Variants in SLC14A2 observed in about 807,000 individuals in gnomAD.
SLC14A2 encodes solute carrier family 14 member 2.
A neutral mutation model predicts 104.6 loss-of-function variants in SLC14A2; 91 were observed. That is an observed-to-expected ratio of 0.87 (90% CI 0.73 to 1.04). SLC14A2 has a LOEUF of 1.04. Among genes scored for constraint, SLC14A2 ranks in the 50% least tolerant of loss-of-function variants. The pLI is 0.00. For synonymous variants in SLC14A2, 476 were observed against 466.4 expected (o/e 1.02, Z -0.27); for missense variants, 1,189 against 1,156.0 (o/e 1.03, Z -0.41).
At chr18:45,518,194 T>G (rs549129449) in intron 2 of SLC14A2, among the ~76,000 whole-genome samples, 103 of 152,212 alleles carry the variant, frequency 6.8e-4, no homozygotes, top group Non-Finnish European at 1.4e-3. Flanking sequence ...CCAAGGCCTC[T>G]GAAACATCTT....
intron 1 of SLC14A2, among the ~76,000 whole-genome samples, chr18:45,390,224 G>A (rs1052326996): frequency 6.6e-5 from 10 of 152,142 alleles, no homozygotes; most frequent in Admixed American, 5.9e-4. Context: ...TGTCCAGGTG[G>A]TACCAACAGG....
chr18:45,571,065 C>T (rs943944112), intron 2 of SLC14A2, among the ~76,000 whole-genome samples: 2 of 152,196 alleles, frequency 1.3e-5, no homozygotes, highest in Non-Finnish European at 2.9e-5. Flanking sequence ...GGCTCTAACT[C>T]TAGACTCCTC....
At chr18:45,211,834 C>T (rs1203791887), upstream of SLC14A2, among the ~76,000 whole-genome samples, 1 of 152,106 alleles carries the variant, frequency 6.6e-6, no homozygotes, top group African/African-American at 2.4e-5. Context: ...TGACAAAAAC[C>T]ATACCTGAGT....
intron 2 of SLC14A2, among the ~76,000 whole-genome samples, chr18:45,588,023 A>T (rs16978419): frequency 0.017 from 2,605 of 152,240 alleles, 72 homozygotes; most frequent in African/African-American, 0.058. Flanking sequence ...GAGATGATTG[A>T]AAATGCCGGA....
At chr18:45,202,323 T>G in the SLC14A2 span, among the ~76,000 whole-genome samples, 1 of 152,024 alleles carries the variant, frequency 6.6e-6, no homozygotes, top group Non-Finnish European at 1.5e-5. Context: ...TTAAAGGGAG[T>G]TGATCCTTAG....
chr18:45,376,037 G>A (rs1195236022), intron 1 of SLC14A2, among the ~76,000 whole-genome samples: 1 of 105,216 alleles, frequency 9.5e-6, no homozygotes, highest in African/African-American at 3.8e-5. Flanking sequence ...GAGTAGCCAT[G>A]TGGATCTGGG....
intron 1 of SLC14A2, among the ~76,000 whole-genome samples, chr18:45,279,541 G>A (rs1015529610): frequency 6.6e-6 from 1 of 152,180 alleles, no homozygotes; most frequent in Middle Eastern, 3.4e-3. Flanking sequence ...GGTTTTGTTG[G>A]GGGGTGGGGA....
Position 45,304,414 on chromosome 18 carries a change from GTTTTGT to G in SLC14A2, c.-125+91230_-125+91235del, listed in dbSNP as rs946673157. On this transcript the variant is annotated intron_variant, in intron 1 of 20. Coordinates refer to the SLC14A2 transcript ENST00000586448. ...GCTTTGTGCTGTGGCCAGCAATGCGGTTTTGTTTTTGTCTCTGTTTCTAAGCTGTTT... is the reference window on the plus strand; with the variant it reads ...GCTTTGTGCTGTGGCCAGCAATGCGGTTTTGTCTCTGTTTCTAAGCTGTTT... Among the ~76,000 whole-genome samples the G allele has an allele frequency of 1.8e-4, 27 of 152,292 alleles. 1 individual carries two copies. The highest frequency in any genetic ancestry group is 9.8e-4 in the Admixed American group (15 of 15,296).
intron 1 of SLC14A2, among the ~76,000 whole-genome samples, chr18:45,216,800 G>C (rs2084015252): frequency 6.6e-6 from 1 of 152,062 alleles, no homozygotes; most frequent in African/African-American, 2.4e-5. Context: ...CCCACCTTTG[G>C]CCAAGGCCCA....
chr18:45,434,813 A>G (rs907843850), intron 1 of SLC14A2, among the ~76,000 whole-genome samples: 2 of 152,246 alleles, frequency 1.3e-5, no homozygotes, highest in Non-Finnish European at 2.9e-5. Flanking sequence ...GGGTGAAAAA[A>G]TGAAGCAAAT....
chr18:45,648,162 T>G (rs1310237818), intron 10 of SLC14A2, among the ~76,000 whole-genome samples: 1 of 151,422 alleles, frequency 6.6e-6, no homozygotes, highest in Middle Eastern at 3.2e-3. Flanking sequence ...TTTTGCCTAT[T>G]ATTATAAGTT....
At chr18:45,238,123 G>A (rs1376301765) in intron 1 of SLC14A2, among the ~76,000 whole-genome samples, 1 of 152,182 alleles carries the variant, frequency 6.6e-6, no homozygotes, top group Non-Finnish European at 1.5e-5. Flanking sequence ...CTTCCTAAAA[G>A]CAACACAGAA....
chr18:45,501,494 G>A (rs1471109381), intron 2 of SLC14A2, among the ~76,000 whole-genome samples: 1 of 152,186 alleles, frequency 6.6e-6, no homozygotes, highest in Non-Finnish European at 1.5e-5. Context: ...TTGTATAAAT[G>A]CTTCGTCTCC....
rs945409418 is a variant in SLC14A2 at position 45,641,459 on chromosome 18, A to G, written c.1126+116A>G. 26 of 1,202,428 alleles carry G rather than the reference A, an allele frequency of 2.2e-5. No individual in the cohort carries two copies. The African/African-American group carries it at 2.7e-4, about 12-fold the overall frequency. The allele number at this position is 1,202,428 out of a possible 1,614,324, so 74.5% of individuals were successfully genotyped here. A position where few individuals can be genotyped will look rare whatever the true frequency, so the allele number is the denominator to read the frequency against. On this transcript the variant is annotated intron_variant, in intron 8 of 19. Coordinates refer to ENST00000255226, the MANE Select transcript of SLC14A2 (RefSeq NM_007163.4). ...CTGTTCAGCAGTGACAGAAAGGCCA[A>G]TGGCTTGCGTCCTAATGCCAGTGCT...
intron 10 of SLC14A2, among the ~76,000 whole-genome samples, chr18:45,658,319 G>C (rs544785651): frequency 6.6e-6 from 1 of 152,118 alleles, no homozygotes; most frequent in South Asian, 2.1e-4. Context: ...GGTAGCTCAC[G>C]CCTGTAATCC....
the SLC14A2 span, among the ~76,000 whole-genome samples, chr18:45,191,791 G>T: frequency 6.6e-6 from 1 of 152,120 alleles, no homozygotes. Context: ...GGTAATTTAT[G>T]TAGTAATTGG....
intron 1 of SLC14A2, among the ~76,000 whole-genome samples, chr18:45,374,162 G>A (rs758609104): frequency 3.9e-5 from 6 of 152,124 alleles, no homozygotes; most frequent in Non-Finnish European, 7.4e-5. Context: ...ACCTGTCAAA[G>A]TACAGGTTAT....
the SLC14A2 span, among the ~76,000 whole-genome samples, chr18:45,198,334 C>T: frequency 6.6e-6 from 1 of 152,020 alleles, no homozygotes; most frequent in Non-Finnish European, 1.5e-5. Context: ...TACCTGGACC[C>T]CTCACCCAAT....
At chr18:45,588,272 G>A (rs1049955861) in intron 2 of SLC14A2, among the ~76,000 whole-genome samples, 2 of 152,206 alleles carry the variant, frequency 1.3e-5, no homozygotes, top group African/African-American at 4.8e-5. Context: ...CTGGAGGTCA[G>A]TGAGTCAGGG....
Sources: allele counts gnomAD v4.1 joint callset (sites outside exome capture counted in the v4.1 genomes callset), GRCh38; gene constraint gnomAD v4.1.1; transcripts MANE v1.5; gene names NCBI Gene and HGNC (gene_info 2026-07-23, HGNC 2026-07-21).